Variants in ZNF536 observed in about 807,000 individuals in gnomAD.
The protein encoded by ZNF536 is zinc finger protein 536.
Under a neutral mutation model 84.5 loss-of-function variants are expected in ZNF536, and 13 were observed. The ratio of observed to expected loss-of-function variants is 0.15; its 90% CI spans 0.10 to 0.24. The LOEUF (loss-of-function observed/expected upper bound fraction) is 0.24. Among genes scored for constraint, ZNF536 ranks in the 10% least tolerant of loss-of-function variants. The probability of loss-of-function intolerance (pLI) is 1.00; values close to 1 mark genes in which losing one functional copy is unlikely to be tolerated. For synonymous variants in ZNF536, 811 were observed against 742.5 expected, an observed-to-expected ratio of 1.09 and a Z score of -1.50; for missense variants, 1,536 against 1,747.5, an observed-to-expected ratio of 0.88 and a Z score of 2.16.
chr19:30,571,736 G>T (rs963175902), intron 1 of ZNF536, among the ~76,000 whole-genome samples: 3 of 152,114 alleles, frequency 2.0e-5, no homozygotes, highest in African/African-American at 7.2e-5. Flanking sequence ...CCACAGGCAT[G>T]AGTCTCCCCC....
At chr19:30,328,388 C>A (rs1350882031) in intron 2 of ZNF536, among the ~76,000 whole-genome samples, 1 of 152,156 alleles carries the variant, frequency 6.6e-6, no homozygotes, top group Non-Finnish European at 1.5e-5. Context: ...GCTCTGCAGC[C>A]CCTGACAAGG....
intron 1 of ZNF536, among the ~76,000 whole-genome samples, chr19:30,660,768 C>G (rs952081795): frequency 6.6e-6 from 1 of 152,220 alleles, no homozygotes; most frequent in Non-Finnish European, 1.5e-5. Flanking sequence ...TCATGATTGA[C>G]AGTAGCGGCT....
intron 1 of ZNF536, among the ~76,000 whole-genome samples, chr19:30,260,460 C>T (rs2025147839): frequency 6.6e-6 from 1 of 152,244 alleles, no homozygotes; most frequent in South Asian, 2.1e-4. Flanking sequence ...GCAGAAGCCA[C>T]AGCTGTGTGA....
At chr19:30,370,084 C>A (rs771762211), upstream of ZNF536, among the ~76,000 whole-genome samples, 24 of 152,278 alleles carry the variant, frequency 1.6e-4, no homozygotes, top group Admixed American at 9.1e-4. Flanking sequence ...CTCATTACTG[C>A]CTTAGAGAAG....
chr19:30,373,927 G>C (rs1250465302), intron 1 of ZNF536, among the ~76,000 whole-genome samples: 3 of 152,230 alleles, frequency 2.0e-5, no homozygotes, highest in South Asian at 2.1e-4. Flanking sequence ...CCCAGCCCCA[G>C]GGCCGCAGCC....
At chr19:30,241,455 G>A (rs558913144) in intron 1 of ZNF536, among the ~76,000 whole-genome samples, 2 of 152,188 alleles carry the variant, frequency 1.3e-5, no homozygotes, top group African/African-American at 2.4e-5. Flanking sequence ...CACACCAGTC[G>A]GGCAGGAAGC....
chr19:30,612,711 T>A (rs73924605), intron 1 of ZNF536, among the ~76,000 whole-genome samples: 45 of 152,362 alleles, frequency 3.0e-4, no homozygotes, highest in African/African-American at 1.0e-3. Context: ...AAAAAGATAG[T>A]ATGAGGAGTT....
chr19:30,371,203 AC>A (rs944209850), upstream of ZNF536, among the ~76,000 whole-genome samples: 1 of 152,202 alleles, frequency 6.6e-6, no homozygotes, highest in African/African-American at 2.4e-5. Context: ...ACAATCTGCC[AC>A]CTCTTTGTTT....
intron 2 of ZNF536, among the ~76,000 whole-genome samples, chr19:30,298,034 C>G (rs569957226): frequency 6.6e-6 from 1 of 152,210 alleles, no homozygotes; most frequent in South Asian, 2.1e-4. Context: ...GCGCGTGCCA[C>G]CATGCCCGGT....
intron 1 of ZNF536, among the ~76,000 whole-genome samples, chr19:30,264,466 G>A (rs1199120120): frequency 1.3e-5 from 2 of 150,776 alleles, no homozygotes; most frequent in Admixed American, 6.6e-5. Context: ...TTATTGTTCA[G>A]GGCCAGAGAC....
At chr19:30,626,359 A>G (rs952904568) in intron 1 of ZNF536, among the ~76,000 whole-genome samples, 7 of 149,634 alleles carry the variant, frequency 4.7e-5, no homozygotes, top group African/African-American at 1.7e-4. Context: ...TCTGGGGGTT[A>G]TTTTTTTTTT....
intron 2 of ZNF536, among the ~76,000 whole-genome samples, chr19:30,297,903 T>C (rs1228276597): frequency 3.9e-4 from 49 of 126,358 alleles, no homozygotes; most frequent in African/African-American, 1.2e-3. Context: ...CAAGACGGAG[T>C]CCCCCCCCCC....
rs1420889610 is a variant in ZNF536, at chr19:30,445,515, T to A, written c.1953T>A (p.Arg651=). The A allele has an allele frequency of 5.0e-6, 8 of 1,613,768 alleles. No individual in the cohort carries two copies. The highest frequency in any genetic ancestry group is 6.8e-6 in the Non-Finnish European group (8 of 1,179,984). Residue 651 remains arginine, a synonymous_variant, in exon 2 of 5, where the codon CGT becomes CGA. Transcript: ENST00000355537. The surrounding 1 kb of genome is among the most constrained non-coding windows in gnomAD (Gnocchi z 4.5). ...RTYHQVVVHS[R]VHKRDRKGEE... ...ACCACCAGGTGGTCGTGCACTCCCGTGTCCACAAGCGGGACCGCAAGGGCG... is the reference window on the plus strand; with the variant it reads ...ACCACCAGGTGGTCGTGCACTCCCGAGTCCACAAGCGGGACCGCAAGGGCG...
At position 30,651,367 on chromosome 19, in the gene ZNF536, AC is replaced by A. The variant is rs2049699731; in HGVS notation, c.170-59389del. On this transcript the variant is annotated intron_variant, in intron 1 of 1. Transcript: ENST00000592773. ...TTTGACGTTACTTCTCTGGTCCTTA[AC>A]TTTGTTTACCCAGCTGCTATTCTTC... Among the ~76,000 whole-genome samples the A allele has an allele frequency of 4.6e-5, 7 of 152,154 alleles. No individual in the cohort carries two copies. The South Asian group carries it at 1.4e-3, about 32-fold the overall frequency.
intron 1 of ZNF536, among the ~76,000 whole-genome samples, chr19:30,376,812 C>T (rs1351137882): frequency 1.3e-5 from 2 of 152,224 alleles, no homozygotes; most frequent in African/African-American, 2.4e-5. Flanking sequence ...CCGCCTGGCT[C>T]CCCCATTAAA....
intron 3 of ZNF536, among the ~76,000 whole-genome samples, chr19:30,355,421 C>G (rs901328747): frequency 1.3e-5 from 2 of 152,070 alleles, no homozygotes; most frequent in African/African-American, 4.8e-5. Flanking sequence ...CAGGGTCTCA[C>G]TGTGTCACTC....
At chr19:30,601,027 TC>T (rs1407690602) in intron 1 of ZNF536, among the ~76,000 whole-genome samples, 1 of 152,214 alleles carries the variant, frequency 6.6e-6, no homozygotes, top group African/African-American at 2.4e-5. Context: ...AACTCTCACT[TC>T]CAGGCCAGAT....
intron 1 of ZNF536, among the ~76,000 whole-genome samples, chr19:30,589,958 C>G (rs1438595501): frequency 6.6e-6 from 1 of 152,190 alleles, no homozygotes; most frequent in Non-Finnish European, 1.5e-5. Flanking sequence ...CTTCTAGCAT[C>G]TATCCCCAGA....
At chr19:30,438,146 G>A (rs1299565315) in intron 1 of ZNF536, among the ~76,000 whole-genome samples, 5 of 152,022 alleles carry the variant, frequency 3.3e-5, no homozygotes, top group Non-Finnish European at 7.4e-5. Flanking sequence ...TAAGTTACAT[G>A]GGTATATTGC....
Sources: gnomAD v4.1 joint callset for allele counts (sites outside exome capture counted in the v4.1 genomes callset) on GRCh38, gnomAD v4.1.1 for gene constraint, Gnocchi (gnomAD v3.1) non-coding constraint, MANE v1.5 for transcripts, NCBI Gene and HGNC (gene_info 2026-07-23, HGNC 2026-07-21) for gene names.